The following KHDC1 variants were observed in gnomAD, a reference collection of about 807,000 sequenced individuals.
KHDC1 encodes the protein KH domain containing 1.
A neutral mutation model predicts 24.7 loss-of-function variants in KHDC1; 21 were observed. The observed-to-expected ratio is 0.85, with a 90% CI of 0.60 to 1.23. The LOEUF is 1.23. KHDC1 is among the 50% of genes most tolerant of loss of function. KHDC1 has a pLI of 0.00. For missense variants in KHDC1, 274 were observed against 298.5 expected (o/e 0.92, Z 0.61); for synonymous variants, 98 against 111.7 (o/e 0.88, Z 0.77).
intron 2 of KHDC1, chr6:73,268,678 TAC>T (rs1767120913): frequency 1.3e-5 from 2 of 152,458 alleles, no homozygotes; most frequent in East Asian, 3.9e-4. Flanking sequence ...AGCAGCTAGA[TAC>T]AGAGTGTTGA....
At chr6:73,291,815 C>T in intron 2 of KHDC1, 2 of 634,504 alleles carry the variant, frequency 3.2e-6, no homozygotes, top group South Asian at 4.1e-5. Flanking sequence ...CTATTGGATA[C>T]AATGTTTAAT....
intron 2 of KHDC1, among the ~76,000 whole-genome samples, chr6:73,244,429 T>C (rs964814757): frequency 7.2e-5 from 11 of 152,040 alleles, no homozygotes; most frequent in Admixed American, 6.6e-4. Context: ...ACATACTTTG[T>C]TGTTTGAGGT....
chr6:73,246,267 T>A (rs1766663069), intron 2 of KHDC1, among the ~76,000 whole-genome samples: 1 of 152,234 alleles, frequency 6.6e-6, no homozygotes, highest in Non-Finnish European at 1.5e-5. Flanking sequence ...GAAGGAGAAC[T>A]ATTCAGCCAC....
chr6:73,295,323 C>T (rs997187321), intron 1 of KHDC1, among the ~76,000 whole-genome samples: 1 of 152,194 alleles, frequency 6.6e-6, no homozygotes, highest in African/African-American at 2.4e-5. Flanking sequence ...GTACATCCTG[C>T]AGACTCGAGA....
intron 2 of KHDC1, among the ~76,000 whole-genome samples, chr6:73,265,986 G>A (rs935208718): frequency 1.3e-5 from 2 of 152,106 alleles, no homozygotes; most frequent in African/African-American, 4.8e-5. Flanking sequence ...CAGTGCAATG[G>A]CATTCTAACA....
intron 2 of KHDC1, among the ~76,000 whole-genome samples, chr6:73,256,659 T>C (rs1375803085): frequency 6.6e-6 from 1 of 152,196 alleles, no homozygotes; most frequent in Admixed American, 6.5e-5. Context: ...TATGTGACAA[T>C]AATAACAACA....
chr6:73,272,834 A>AT (rs1324460530), intron 2 of KHDC1, among the ~76,000 whole-genome samples: 2 of 146,622 alleles, frequency 1.4e-5, no homozygotes, highest in East Asian at 2.0e-4. Context: ...GGGCTGGATA[A>AT]TTTTTTCTTT....
At chr6:73,281,358 C>T (rs894721076) in intron 2 of KHDC1, among the ~76,000 whole-genome samples, 2 of 148,856 alleles carry the variant, frequency 1.3e-5, no homozygotes, top group African/African-American at 4.9e-5. Context: ...CAAAAAACCA[C>T]CTGGGTGCAG....
intron 1 of KHDC1, chr6:73,301,176 C>G (rs1302339363): frequency 6.6e-6 from 1 of 151,848 alleles, no homozygotes; most frequent in Non-Finnish European, 1.5e-5. Flanking sequence ...GCCGAGATCG[C>G]ACCCCTGCAC....
rs538903501 is a variant in KHDC1, at chr6:73,281,337, A to T, written c.206+10661T>A. Among the ~76,000 whole-genome samples, 447 of 129,722 alleles carry T rather than the reference A, an allele frequency of 3.4e-3. 2 individuals are homozygous for T. Among genetic ancestry groups the T allele is most frequent in the Non-Finnish European group, 5.6e-3 (328 of 58,690 alleles). 85.1% of individuals were successfully genotyped at this position (129,722 alleles called of 152,430 possible). ...CTGGGTGACAGAACGAGACTCTCTC[A>T]AAAAAAAAAACAAAAAACCACCTGG... On this transcript the variant is annotated intron_variant, in intron 2 of 4. Coordinates refer to ENST00000370384, the Ensembl canonical transcript of KHDC1.
At chr6:73,252,286 T>TTGA (rs1458021209) in intron 2 of KHDC1, among the ~76,000 whole-genome samples, 13 of 152,084 alleles carry the variant, frequency 8.5e-5, no homozygotes, top group African/African-American at 3.1e-4. Flanking sequence ...TCAAGCAATC[T>TTGA]GCCCTCGTCG....
chr6:73,300,554 C>T (rs1248544321), intron 1 of KHDC1: 1 of 152,136 alleles, frequency 6.6e-6, no homozygotes, highest in East Asian at 1.9e-4. Flanking sequence ...ACTATGAACT[C>T]CTAAGGACTC....
chr6:73,277,258 A>G (rs1255414233), intron 2 of KHDC1, among the ~76,000 whole-genome samples: 1 of 152,204 alleles, frequency 6.6e-6, no homozygotes, highest in Admixed American at 6.5e-5. Flanking sequence ...TGAGGTCAGG[A>G]GTTCCAGACC....
chr6:73,266,940 A>G (rs895988374), intron 2 of KHDC1, among the ~76,000 whole-genome samples: 5 of 152,218 alleles, frequency 3.3e-5, no homozygotes, highest in Non-Finnish European at 5.9e-5. Context: ...TATAGTCCCT[A>G]CTATTCAGGA....
intron 2 of KHDC1, among the ~76,000 whole-genome samples, chr6:73,279,105 TAATG>T (rs1582573363): frequency 6.6e-6 from 1 of 152,208 alleles, no homozygotes. Flanking sequence ...CATGTGGTAT[TAATG>T]AATAAAAACC....
chr6:73,243,066 T>A (rs568649296), intron 2 of KHDC1, among the ~76,000 whole-genome samples: 2 of 151,720 alleles, frequency 1.3e-5, no homozygotes, highest in Admixed American at 1.3e-4. Context: ...GTCTAAGGAG[T>A]GTTTAGGGTG....
chr6:73,290,048 C>G (rs1293531253), intron 2 of KHDC1, among the ~76,000 whole-genome samples: 4 of 137,846 alleles, frequency 2.9e-5, no homozygotes, highest in African/African-American at 1.1e-4. Context: ...TGCAGTGAGC[C>G]GAGATTGCGC....
At chr6:73,257,428 C>T (rs779082548) in intron 2 of KHDC1, among the ~76,000 whole-genome samples, 4 of 152,194 alleles carry the variant, frequency 2.6e-5, no homozygotes, top group East Asian at 3.9e-4. Context: ...TGTTTTGAGA[C>T]GAAGTCTCAC....
At position 73,288,391 on chromosome 6, in the gene KHDC1, T is replaced by G. The variant is rs202214130; in HGVS notation, c.206+3607A>C. Among the ~76,000 whole-genome samples, 52 of 152,212 alleles carry G rather than the reference T, an allele frequency of 3.4e-4. 1 individual carries two copies. In the East Asian group the frequency reaches 8.3e-3, roughly 24 times the overall value. On this transcript the variant is annotated intron_variant, in intron 2 of 4. Coordinates refer to ENST00000370384, the Ensembl canonical transcript of KHDC1. ...ATCCCACCACTTTGGGAGGCCAAGG[T>G]GGGTGAATCACTTGAGGTCAGGAGT...
Sources: allele counts gnomAD v4.1 joint callset (sites outside exome capture counted in the v4.1 genomes callset), GRCh38; gene constraint gnomAD v4.1.1; transcripts MANE v1.5; gene names NCBI Gene and HGNC (gene_info 2026-07-23, HGNC 2026-07-21).